TMEM87B: variants seen among roughly 807,000 people sequenced by gnomAD.
TMEM87B encodes the protein transmembrane protein 87B.
Under a neutral mutation model 80.3 loss-of-function variants are expected in TMEM87B, and 83 were observed. The ratio of observed to expected loss-of-function variants is 1.03; its 90% CI spans 0.87 to 1.24. TMEM87B has a LOEUF of 1.24. Ranked by LOEUF, TMEM87B falls within the 50% of genes most tolerant of loss-of-function variation. The pLI, the probability that TMEM87B is intolerant of heterozygous loss-of-function variation, is 0.00. For missense variants in TMEM87B, 625 were observed against 674.4 expected (o/e 0.93, Z 0.81); for synonymous variants, 219 against 230.5 (o/e 0.95, Z 0.45).
At chr2:112,107,696 C>A in intron 16 of TMEM87B, 92 bp from the exon 17 acceptor site, 1 of 600,402 alleles carries the variant, frequency 1.7e-6, no homozygotes, top group Non-Finnish European at 2.7e-6. Flanking sequence ...CAAATATTTA[C>A]ATTTAAACAC....
intron 8 of TMEM87B, 63 bp downstream of exon 8, chr2:112,081,581 G>A: frequency 7.1e-7 from 1 of 1,413,752 alleles, no homozygotes; most frequent in Non-Finnish European, 9.6e-7. Context: ...TTTATGAGCA[G>A]AGCAGTGGGA....
chr2:112,110,862 C>T (rs796419700), intron 17 of TMEM87B, among the ~76,000 whole-genome samples: 28 of 152,268 alleles, frequency 1.8e-4, no homozygotes, highest in African/African-American at 6.7e-4. Context: ...TTTTGTCCCA[C>T]TCGATTTGAG....
chr2:112,113,715 G>A (rs1291955124), intron 18 of TMEM87B, among the ~76,000 whole-genome samples: 1 of 131,524 alleles, frequency 7.6e-6, no homozygotes, highest in Non-Finnish European at 1.6e-5. Flanking sequence ...GAAAGATGTA[G>A]CATTACAGAA....
intron 2 of TMEM87B, among the ~76,000 whole-genome samples, chr2:112,060,957 G>A (rs1678241360): frequency 6.6e-6 from 1 of 152,094 alleles, no homozygotes; most frequent in Non-Finnish European, 1.5e-5. Flanking sequence ...ATTTAACTTT[G>A]AGTCTCAGAT....
At chr2:112,085,266 G>T (rs143078888) in intron 8 of TMEM87B, among the ~76,000 whole-genome samples, 1 of 152,210 alleles carries the variant, frequency 6.6e-6, no homozygotes, top group Non-Finnish European at 1.5e-5. Context: ...CAGGCATAAT[G>T]AACTTTGACT....
intron 1 of TMEM87B, among the ~76,000 whole-genome samples, chr2:112,058,798 C>G (rs1439051344): frequency 6.6e-6 from 1 of 152,124 alleles, no homozygotes; most frequent in African/African-American, 2.4e-5. Context: ...GCAGTGGTGA[C>G]AGAGATGGAG....
intron 18 of TMEM87B, among the ~76,000 whole-genome samples, chr2:112,113,171 G>C (rs899825624): frequency 6.6e-6 from 1 of 152,184 alleles, no homozygotes; most frequent in Non-Finnish European, 1.5e-5. Context: ...ATGAAATCTT[G>C]AGTTTAAACG....
chr2:112,112,877 CT>C, intron 17 of TMEM87B, 21 bp from the exon 18 acceptor site: 11 of 1,610,376 alleles, frequency 6.8e-6, no homozygotes, highest in South Asian at 3.3e-5. Context: ...ACATTATCAC[CT>C]TTTTTTCCCT....
At chr2:112,065,151 A>G (rs1347577015) in intron 3 of TMEM87B, among the ~76,000 whole-genome samples, 2 of 152,082 alleles carry the variant, frequency 1.3e-5, no homozygotes, top group African/African-American at 4.8e-5. Flanking sequence ...TATTGTTATT[A>G]GTATTATATT....
chr2:112,077,298 A>G lies in TMEM87B; in HGVS notation c.592+16A>G. On this transcript the variant is annotated intron_variant, in intron 6 of 18. Transcript: ENST00000283206. ...AATTTGAATGGTATAGTTAAACTGC[A>G]TGCATGTTTACTGTCTGCATTTTCT... 1.4e-6 allele frequency: 2 copies of G among 1,394,996 alleles called. No homozygotes were observed. Among genetic ancestry groups the G allele is most frequent in the Non-Finnish European group, 2.0e-6 (2 of 1,009,576 alleles). The allele number at this position is 1,394,996 out of a possible 1,614,324, so 86.4% of individuals were successfully genotyped here. A position where few individuals can be genotyped will look rare whatever the true frequency, so the allele number is the denominator to read the frequency against.
chr2:112,118,827 A>C lies in TMEM87B; in HGVS notation c.*2684A>C, dbSNP rs1361351895. 6.6e-6 allele frequency: 1 copy of C among 152,110 alleles called. No individual in the cohort carries two copies. Among genetic ancestry groups the C allele is most frequent in the Non-Finnish European group, 1.5e-5 (1 of 68,002 alleles). 9.4% of individuals were successfully genotyped at this position (152,110 alleles called of 1,614,324 possible). On this transcript the variant is annotated 3_prime_UTR_variant, in exon 19 of 19. Coordinates refer to ENST00000283206, the MANE Select transcript of TMEM87B (RefSeq NM_032824.3). The stretch of plus-strand genomic sequence containing the variant: ...GTTATGTATCCTTTTTTTAAAAAAA[A>C]GTTCGAGTCTGTTGCACTAGGCTGT...
At chr2:112,091,878 C>A in intron 11 of TMEM87B, 95 bp downstream of exon 11, 1 of 989,816 alleles carries the variant, frequency 1.0e-6, no homozygotes, top group Non-Finnish European at 1.5e-6. Context: ...TACAGTTATG[C>A]ATTTTTGTTA....
intron 1 of TMEM87B, among the ~76,000 whole-genome samples, chr2:112,058,596 G>A (rs1041034483): frequency 2.0e-5 from 3 of 152,152 alleles, no homozygotes; most frequent in Non-Finnish European, 4.4e-5. Context: ...CCATTTTTAG[G>A]TTGGATTAGA....
Position 112,119,134 on chromosome 2 carries a change from G to A in TMEM87B, c.*2991G>A, listed in dbSNP as rs1573737672. On this transcript the variant is annotated 3_prime_UTR_variant, in exon 19 of 19. Coordinates refer to ENST00000283206, the MANE Select transcript of TMEM87B (RefSeq NM_032824.3). ...AAAACTAAGAAAACATTTATTTGGG[G>A]AGAAATTTTAGGCATTTAAGAACTT... 6.6e-6 allele frequency: 1 copy of A among 152,098 alleles called. No individual in the cohort carries two copies. Among genetic ancestry groups the A allele is most frequent in the South Asian group, 2.1e-4 (1 of 4,830 alleles). The allele number at this position is 152,098 out of a possible 1,614,324, so 9.4% of individuals were successfully genotyped here. A position where few individuals can be genotyped will look rare whatever the true frequency, so the allele number is the denominator to read the frequency against.
At position 112,058,122 on chromosome 2, in the gene TMEM87B, C is replaced by T. The variant is rs144253176; in HGVS notation, c.166-1855C>T. Among the ~76,000 whole-genome samples the T allele has an allele frequency of 3.0e-3, 457 of 152,346 alleles. 2 individuals are homozygous for T. The highest frequency in any genetic ancestry group is 0.01 in the African/African-American group (419 of 41,578). On this transcript the variant is annotated intron_variant, in intron 1 of 18. Transcript: ENST00000283206. ...GATTACGGGCGTGAGCCACCGCACTCGGCCTCAGTCTTAAAAGATGGATAA... is the reference window on the plus strand; with the variant it reads ...GATTACGGGCGTGAGCCACCGCACTTGGCCTCAGTCTTAAAAGATGGATAA...
rs1017377309 is a variant in TMEM87B, at chr2:112,055,709, G to A, written c.118G>A (p.Val40Met). 5.2e-6 allele frequency: 8 copies of A among 1,542,266 alleles called. No individual in the cohort carries two copies. Among genetic ancestry groups the A allele is most frequent in the Non-Finnish European group, 6.9e-6 (8 of 1,151,490 alleles). The part of the protein sequence containing the change: ...LCLLCWTPAA[V>M]RAVPELGLWL... ...CCTCCTGTGCTGGACCCCGGCGGCT[G>A]TGCGCGCGGTCCCTGAGCTCGGGCT... The change falls in exon 1 of 19, where the codon GTG becomes ATG. Residue 40 changes from valine (V) to methionine (M), a missense_variant. Val to Met is a conservative substitution (Grantham distance 21, BLOSUM62 1). Transcript: ENST00000283206.
chr2:112,090,089 C>T (rs1679256447), intron 10 of TMEM87B, among the ~76,000 whole-genome samples: 1 of 152,208 alleles, frequency 6.6e-6, no homozygotes. Context: ...AAGTTAATTA[C>T]ACCCTTCAGG....
chr2:112,113,090 G>C, intron 18 of TMEM87B, among the ~76,000 whole-genome samples, 161 bp downstream of exon 18: 1 of 151,460 alleles, frequency 6.6e-6, no homozygotes, highest in East Asian at 2.0e-4. Flanking sequence ...AAGGATTTAT[G>C]AATAAAGTCC....
At chr2:112,072,991 C>T (rs758137872) in intron 4 of TMEM87B, among the ~76,000 whole-genome samples, 2 of 151,026 alleles carry the variant, frequency 1.3e-5, no homozygotes, top group Non-Finnish European at 2.9e-5. Flanking sequence ...CCTCCACCTC[C>T]CAGGTTCAAG....
Sources: allele counts gnomAD v4.1 joint callset (sites outside exome capture counted in the v4.1 genomes callset), GRCh38; gene constraint gnomAD v4.1.1; transcripts MANE v1.5; gene names NCBI Gene and HGNC (gene_info 2026-07-23, HGNC 2026-07-21).